TNRC6B: variants seen among roughly 807,000 people sequenced by gnomAD.
The protein encoded by TNRC6B is trinucleotide repeat-containing gene 6B protein.
Under a neutral mutation model 203.6 loss-of-function variants are expected in TNRC6B, and 52 were observed. The ratio of observed to expected loss-of-function variants is 0.26; its 90% CI spans 0.20 to 0.32. TNRC6B has a LOEUF of 0.32. TNRC6B is among the 10% of genes least tolerant of loss of function. The probability of loss-of-function intolerance (pLI) is 1.00; values close to 1 mark genes in which losing one functional copy is unlikely to be tolerated. For synonymous variants in TNRC6B, 838 were observed against 845.7 expected (o/e 0.99, Z 0.16); for missense variants, 1,923 against 2,286.2 (o/e 0.84, Z 3.24).
intron 1 of TNRC6B, among the ~76,000 whole-genome samples, chr22:40,100,556 A>C (rs948625669): frequency 1.3e-5 from 2 of 152,150 alleles, no homozygotes; most frequent in Admixed American, 6.5e-5. Flanking sequence ...TTAAAAAAAA[A>C]AATTTATAGA....
intron 1 of TNRC6B, among the ~76,000 whole-genome samples, chr22:40,225,308 C>T (rs1187082174): frequency 6.6e-6 from 1 of 152,076 alleles, no homozygotes; most frequent in Non-Finnish European, 1.5e-5. Flanking sequence ...CAAAGAAATA[C>T]AAAAATACTG....
intron 4 of TNRC6B, among the ~76,000 whole-genome samples, chr22:40,264,023 C>T (rs1010326188): frequency 7.2e-5 from 11 of 152,184 alleles, no homozygotes; most frequent in African/African-American, 2.4e-4. Flanking sequence ...AAAACAGCTT[C>T]GCAGATGAAA....
At chr22:40,279,405 T>C (rs1481594904) in intron 9 of TNRC6B, among the ~76,000 whole-genome samples, 1 of 152,216 alleles carries the variant, frequency 6.6e-6, no homozygotes, top group African/African-American at 2.4e-5. Flanking sequence ...CGACAGCACA[T>C]TTATAGAGTT....
chr22:40,207,726 G>A (rs1293885028), intron 1 of TNRC6B, among the ~76,000 whole-genome samples: 1 of 151,812 alleles, frequency 6.6e-6, no homozygotes, highest in Non-Finnish European at 1.5e-5. Context: ...TGTGGAGGGG[G>A]AAATACAACT....
intron 1 of TNRC6B, among the ~76,000 whole-genome samples, chr22:40,202,340 A>G (rs1268296171): frequency 1.3e-5 from 2 of 150,120 alleles, no homozygotes; most frequent in African/African-American, 2.5e-5. Flanking sequence ...GAATGTTGCC[A>G]CTTGTTACTT....
chr22:40,327,937 A>T lies in TNRC6B; in HGVS notation c.*4696A>T, dbSNP rs535302057. On this transcript the variant is annotated 3_prime_UTR_variant, in exon 23 of 23. Coordinates refer to ENST00000454349, the MANE Select transcript of TNRC6B (RefSeq NM_001162501.2). Reference sequence around the variant, plus strand: ...CCTGAACATCACAAACTTGGTTTCTACCTACCACACGAGTAGCCAAAAGAA... The same window carrying T: ...CCTGAACATCACAAACTTGGTTTCTTCCTACCACACGAGTAGCCAAAAGAA... 1.3e-5 allele frequency: 2 copies of T among 152,116 alleles called. No homozygotes were observed. The highest frequency in any genetic ancestry group is 3.9e-4 in the East Asian group (2 of 5,186). 9.4% of individuals were successfully genotyped at this position (152,116 alleles called of 1,614,324 possible).
In TNRC6B at chr22:40,088,584, T is replaced by TGTGTGTGTG. The variant is rs2068120522; in HGVS notation, c.-120-28471_-120-28470insGTGTGTGTG. 3.2e-5 allele frequency among the ~76,000 whole-genome samples: 4 copies of TGTGTGTGTG among 125,230 alleles called. No homozygotes were observed. In the East Asian group the frequency reaches 7.1e-4, roughly 22 times the overall value. The allele number at this position is 125,230 out of a possible 152,430, so 82.2% of individuals were successfully genotyped here. On this transcript the variant is annotated intron_variant, in intron 1 of 23. Coordinates refer to the TNRC6B transcript ENST00000301923. The stretch of plus-strand genomic sequence containing the variant: ...CTGCCACCATGCCCGGCGGCTACTT[T>TGTGTGTGTG]TGTGTGTGTGTGTGTGTGTGTGTGT...
Position 40,273,604 on chromosome 22 carries a change from G to C in TNRC6B, c.3141+4G>C. 7 of 1,566,152 alleles carry C rather than the reference G, an allele frequency of 4.5e-6. No individual in the cohort carries two copies. Among genetic ancestry groups the C allele is most frequent in the Non-Finnish European group, 6.1e-6 (7 of 1,155,918 alleles). Reference sequence around the variant, plus strand: ...AGGAGGAAAGAAACAAATGAAGGTAGCCTGCTTAGAAATGTTCGCACTTGC... The same window carrying C: ...AGGAGGAAAGAAACAAATGAAGGTACCCTGCTTAGAAATGTTCGCACTTGC... On this transcript the variant is annotated splice_donor_region_variant and intron_variant, in intron 7 of 22. Transcript: ENST00000454349.
intron 1 of TNRC6B, among the ~76,000 whole-genome samples, chr22:40,234,227 A>G (rs1288618106): frequency 1.3e-5 from 2 of 152,230 alleles, no homozygotes; most frequent in African/African-American, 2.4e-5. Flanking sequence ...TTGAGGCTGC[A>G]GCGAACCATG....
chr22:40,160,776 C>G (rs1054996608), intron 4 of TNRC6B, among the ~76,000 whole-genome samples: 1 of 152,100 alleles, frequency 6.6e-6, no homozygotes, highest in Non-Finnish European at 1.5e-5. Flanking sequence ...GTTGCCGAGG[C>G]TGGTCTCAAA....
At chr22:40,063,989 C>T (rs752320784) in intron 1 of TNRC6B, among the ~76,000 whole-genome samples, 2 of 152,218 alleles carry the variant, frequency 1.3e-5, no homozygotes, top group Admixed American at 6.5e-5. Flanking sequence ...AGGCCTGAGC[C>T]ACTGCACCCA....
intron 1 of TNRC6B, among the ~76,000 whole-genome samples, chr22:40,182,603 G>A (rs902086690): frequency 3.9e-5 from 6 of 152,202 alleles, no homozygotes; most frequent in Non-Finnish European, 7.3e-5. Flanking sequence ...AGGTGCTGGG[G>A]CATCTAAGAA....
chr22:40,151,661 A>G (rs538598106), intron 3 of TNRC6B, among the ~76,000 whole-genome samples: 139 of 152,174 alleles, frequency 9.1e-4, no homozygotes, highest in African/African-American at 3.3e-3. Context: ...GAATATTCAA[A>G]GAACGAGGAA....
At chr22:40,208,053 G>A (rs901347432) in intron 1 of TNRC6B, among the ~76,000 whole-genome samples, 4 of 150,398 alleles carry the variant, frequency 2.7e-5, no homozygotes, top group Non-Finnish European at 5.9e-5. Context: ...GGCGGAGCTT[G>A]CAGTGAGCTG....
At chr22:40,115,799 C>G (rs967365860) in intron 1 of TNRC6B, among the ~76,000 whole-genome samples, 7 of 152,076 alleles carry the variant, frequency 4.6e-5, no homozygotes, top group Admixed American at 4.6e-4. Flanking sequence ...GGAAACTGTG[C>G]AGTCATGAAG....
At chr22:40,149,995 A>AG (rs35899845) in intron 3 of TNRC6B, among the ~76,000 whole-genome samples, 1 of 19,334 alleles carries the variant, frequency 5.2e-5, no homozygotes, top group Admixed American at 4.3e-4. Flanking sequence ...GAAAGCCAAC[A>AG]AAAAATTGAA....
Position 40,280,060 on chromosome 22 carries a change from A to G in TNRC6B, c.3328A>G (p.Ile1110Val). The change falls in exon 10 of 23, where the codon ATC (isoleucine) becomes GTC (valine). Residue 1110 changes from isoleucine (I) to valine (V), a missense_variant. By Grantham distance (29) the Ile-to-Val change is conservative. Coordinates refer to ENST00000454349, the MANE Select transcript of TNRC6B (RefSeq NM_001162501.2). ...RAMNLGDFND[I>V]MRKDRSGFRP... Reference sequence around the variant, plus strand: ...GATGAATCTCGGGGATTTTAATGATATCATGAGGAAGGATCGATCTGGGTT... The same window carrying G: ...GATGAATCTCGGGGATTTTAATGATGTCATGAGGAAGGATCGATCTGGGTT... 1.2e-6 allele frequency: 2 copies of G among 1,613,868 alleles called. No individual in the cohort carries two copies. The highest frequency in any genetic ancestry group is 2.2e-5 in the South Asian group (2 of 91,082).
chr22:40,221,452 C>G, intron 1 of TNRC6B, among the ~76,000 whole-genome samples: 1 of 152,024 alleles, frequency 6.6e-6, no homozygotes, highest in East Asian at 1.9e-4. Context: ...TATTTTTTAT[C>G]TTTTTGAGAC....
intron 12 of TNRC6B, among the ~76,000 whole-genome samples, chr22:40,292,235 C>T (rs1484662802): frequency 6.6e-6 from 1 of 151,912 alleles, no homozygotes; most frequent in Non-Finnish European, 1.5e-5. Flanking sequence ...CGTCTGTCGT[C>T]CCAACTGCTC....
Sources: gnomAD v4.1 joint callset for allele counts (sites outside exome capture counted in the v4.1 genomes callset) on GRCh38, gnomAD v4.1.1 for gene constraint, MANE v1.5 for transcripts, NCBI Gene and HGNC (gene_info 2026-07-23, HGNC 2026-07-21) for gene names.